Variants in PCDH15 observed in about 807,000 individuals in gnomAD.
The protein encoded by PCDH15 is protocadherin related 15, also known as protocadherin-15.
PCDH15 carries 129 observed loss-of-function variants against 178.5 expected under a neutral mutation model. The ratio of observed to expected loss-of-function variants is 0.72; its 90% CI spans 0.63 to 0.84. The LOEUF (loss-of-function observed/expected upper bound fraction) is 0.84. PCDH15 is among the 40% of genes least tolerant of loss of function. The pLI is 0.00. For missense variants in PCDH15, 2,230 were observed against 2,099.9 expected (o/e 1.06, Z -1.21); for synonymous variants, 800 against 732.0 (o/e 1.09, Z -1.50).
At chr10:55,165,681 C>A (rs1426049263) in intron 2 of PCDH15, among the ~76,000 whole-genome samples, 3 of 151,690 alleles carry the variant, frequency 2.0e-5, no homozygotes, top group Non-Finnish European at 2.9e-5. Context: ...TTTTCTGGAG[C>A]CAGGAGCAAG....
At chr10:53,919,265 A>G (rs556021479) in intron 25 of PCDH15, among the ~76,000 whole-genome samples, 1 of 152,306 alleles carries the variant, frequency 6.6e-6, no homozygotes, top group East Asian at 1.9e-4. Flanking sequence ...TACAAGAGGC[A>G]TATTATTGTG....
At chr10:54,709,027 G>A (rs2095398503) in intron 1 of PCDH15, among the ~76,000 whole-genome samples, 1 of 152,050 alleles carries the variant, frequency 6.6e-6, no homozygotes, top group Non-Finnish European at 1.5e-5. Flanking sequence ...TTTTAGGGAA[G>A]AATAATTCAA....
chr10:54,299,207 C>G (rs2059991523), intron 8 of PCDH15, among the ~76,000 whole-genome samples: 1 of 151,162 alleles, frequency 6.6e-6, no homozygotes, highest in Non-Finnish European at 1.5e-5. Flanking sequence ...GAGGAGGAGA[C>G]AGAGAGAGGA....
intron 2 of PCDH15, among the ~76,000 whole-genome samples, chr10:55,350,268 T>C (rs28678574): frequency 0.022 from 1,222 of 56,350 alleles, 13 homozygotes; most frequent in Admixed American, 0.049. Flanking sequence ...TATATATATA[T>C]ACACACACAC....
intron 3 of PCDH15, among the ~76,000 whole-genome samples, chr10:54,517,824 C>T (rs1186151870): frequency 6.6e-6 from 1 of 151,886 alleles, no homozygotes; most frequent in African/African-American, 2.4e-5. Flanking sequence ...AAGCACTCCC[C>T]AGCAGATGTA....
intron 2 of PCDH15, among the ~76,000 whole-genome samples, chr10:55,360,830 T>C (rs1845209590): frequency 2.0e-5 from 3 of 151,974 alleles, no homozygotes; most frequent in African/African-American, 4.8e-5. Flanking sequence ...AGAAATTCTA[T>C]ATCTGTTATA....
intron 2 of PCDH15, among the ~76,000 whole-genome samples, chr10:54,653,647 T>A (rs2094312185): frequency 6.6e-6 from 1 of 152,180 alleles, no homozygotes; most frequent in Non-Finnish European, 1.5e-5. Flanking sequence ...CTTGTGCGAT[T>A]GGGGTCATAG....
At chr10:55,198,587 C>G (rs1174501535) in intron 1 of PCDH15, among the ~76,000 whole-genome samples, 1 of 152,000 alleles carries the variant, frequency 6.6e-6, no homozygotes, top group East Asian at 1.9e-4. Flanking sequence ...CCTGGGTTCA[C>G]GCCATTCCCC....
chr10:53,933,281 T>G (rs985573220), intron 25 of PCDH15, among the ~76,000 whole-genome samples: 2 of 151,870 alleles, frequency 1.3e-5, no homozygotes, highest in East Asian at 1.9e-4. Flanking sequence ...CCATTAACTC[T>G]TCAATTAGCA....
intron 15 of PCDH15, among the ~76,000 whole-genome samples, chr10:54,093,871 G>A (rs1194379764): frequency 2.6e-5 from 4 of 152,042 alleles, no homozygotes; most frequent in African/African-American, 9.7e-5. Context: ...GAAAATGGGA[G>A]CATAGTGTTA....
At chr10:54,515,603 G>A (rs2082131727) in intron 3 of PCDH15, among the ~76,000 whole-genome samples, 2 of 152,320 alleles carry the variant, frequency 1.3e-5, no homozygotes, top group Admixed American at 6.5e-5. Context: ...AGACTTAAAC[G>A]TCCTTGTCTG....
intron 3 of PCDH15, among the ~76,000 whole-genome samples, chr10:54,422,346 T>C (rs1955639215): frequency 6.6e-6 from 1 of 152,120 alleles, no homozygotes; most frequent in Non-Finnish European, 1.5e-5. Context: ...TACCCTATTT[T>C]GTAGTATAGT....
intron 3 of PCDH15, among the ~76,000 whole-genome samples, chr10:54,416,742 G>A (rs1393249694): frequency 6.6e-6 from 1 of 152,078 alleles, no homozygotes; most frequent in African/African-American, 2.4e-5. Context: ...ATTCCTAGCA[G>A]CAGTGTAAAA....
chr10:55,027,553 T>G (rs762520594), intron 2 of PCDH15, among the ~76,000 whole-genome samples: 5 of 151,770 alleles, frequency 3.3e-5, no homozygotes, highest in Non-Finnish European at 5.9e-5. Context: ...AAAGGTTTGT[T>G]AAGAGTATAT....
intron 21 of PCDH15, among the ~76,000 whole-genome samples, chr10:53,981,683 G>A (rs1231037656): frequency 6.7e-6 from 1 of 149,852 alleles, no homozygotes; most frequent in Non-Finnish European, 1.5e-5. Flanking sequence ...ATGGATTAAA[G>A]ACTTAAACGT....
At chr10:55,311,918 G>GT (rs1283066807) in intron 1 of PCDH15, among the ~76,000 whole-genome samples, 1 of 152,170 alleles carries the variant, frequency 6.6e-6, no homozygotes, top group Non-Finnish European at 1.5e-5. Context: ...TATGTATTCA[G>GT]TATGTTAGGT....
At chr10:53,939,590 C>G (rs931220419) in intron 24 of PCDH15, among the ~76,000 whole-genome samples, 1 of 151,930 alleles carries the variant, frequency 6.6e-6, no homozygotes, top group African/African-American at 2.4e-5. Context: ...AATTAATAAT[C>G]CCTTATAATA....
chr10:55,363,268 A>G (rs1201528957), intron 2 of PCDH15, among the ~76,000 whole-genome samples: 2 of 152,220 alleles, frequency 1.3e-5, no homozygotes, highest in African/African-American at 2.4e-5. Context: ...GGAGTATTTA[A>G]TGGCATGAAT....
chr10:54,556,490 T>G (rs2087283085), intron 2 of PCDH15, among the ~76,000 whole-genome samples: 1 of 152,180 alleles, frequency 6.6e-6, no homozygotes, highest in Non-Finnish European at 1.5e-5. Context: ...ATATAATGTG[T>G]TCAAAGAAAA....
Sources: allele counts gnomAD v4.1 joint callset (sites outside exome capture counted in the v4.1 genomes callset), GRCh38; gene constraint gnomAD v4.1.1; transcripts MANE v1.5; gene names NCBI Gene and HGNC (gene_info 2026-07-23, HGNC 2026-07-21).